The following SLC35F4 variants were observed in gnomAD, a reference collection of about 807,000 sequenced individuals.
SLC35F4 encodes the protein solute carrier family 35 member F4, also known as chromosome 14 open reading frame 36.
Under a neutral mutation model 44.2 loss-of-function variants are expected in SLC35F4, and 24 were observed. The ratio of observed to expected loss-of-function variants is 0.54; its 90% CI spans 0.39 to 0.76. SLC35F4 has a LOEUF of 0.76. Ranked by LOEUF, SLC35F4 falls within the 30% of genes least tolerant of loss-of-function variation. The probability of loss-of-function intolerance (pLI) is 0.00; values close to 1 mark genes in which losing one functional copy is unlikely to be tolerated. For missense variants in SLC35F4, 562 were observed against 586.1 expected, an observed-to-expected ratio of 0.96 and a Z score of 0.42; for synonymous variants, 238 against 223.6, an observed-to-expected ratio of 1.06 and a Z score of -0.57.
At chr14:57,738,762 T>C (rs1225295405) in intron 1 of SLC35F4, among the ~76,000 whole-genome samples, 4 of 71,178 alleles carry the variant, frequency 5.6e-5, no homozygotes, top group Non-Finnish European at 9.4e-5. Flanking sequence ...TATATATATA[T>C]ATATATATAT....
intron 1 of SLC35F4, among the ~76,000 whole-genome samples, chr14:57,877,590 T>C (rs1888425117): frequency 6.6e-6 from 1 of 151,816 alleles, no homozygotes; most frequent in Non-Finnish European, 1.5e-5. Flanking sequence ...CTTTCAACAG[T>C]GGCTTAACTA....
chr14:57,881,425 ATATGTAC>A, intron 1 of SLC35F4, among the ~76,000 whole-genome samples: 1 of 152,176 alleles, frequency 6.6e-6, no homozygotes, highest in Non-Finnish European at 1.5e-5. Flanking sequence ...AGTATTCCAC[ATATGTAC>A]ATAATAAGGG....
At chr14:57,762,170 G>A (rs1433706219) in intron 1 of SLC35F4, among the ~76,000 whole-genome samples, 1 of 152,166 alleles carries the variant, frequency 6.6e-6, no homozygotes, top group Non-Finnish European at 1.5e-5. Context: ...CATTCCTGCT[G>A]CTAGGATTGA....
At chr14:57,750,173 G>C (rs377544376) in intron 1 of SLC35F4, among the ~76,000 whole-genome samples, 1 of 152,124 alleles carries the variant, frequency 6.6e-6, no homozygotes, top group East Asian at 1.9e-4. Context: ...TTTTACTTAA[G>C]ATAATGATGT....
chr14:57,912,875 C>T (rs1889244292), intron 1 of SLC35F4, among the ~76,000 whole-genome samples: 1 of 152,020 alleles, frequency 6.6e-6, no homozygotes, highest in Admixed American at 6.6e-5. Flanking sequence ...AAGTCTTTAA[C>T]TATAACTATG....
intron 1 of SLC35F4, among the ~76,000 whole-genome samples, chr14:57,883,439 A>G (rs1384392333): frequency 1.3e-5 from 2 of 151,976 alleles, no homozygotes; most frequent in Non-Finnish European, 2.9e-5. Context: ...ATAGAGCACC[A>G]CTCTCACCTT....
chr14:57,803,094 A>G (rs983476682), intron 1 of SLC35F4, among the ~76,000 whole-genome samples: 1 of 152,170 alleles, frequency 6.6e-6, no homozygotes, highest in Admixed American at 6.5e-5. Context: ...CACATCAAAA[A>G]GCTTATCCAC....
At chr14:57,896,273 G>C (rs1424438475) in intron 1 of SLC35F4, among the ~76,000 whole-genome samples, 1 of 150,954 alleles carries the variant, frequency 6.6e-6, no homozygotes, top group African/African-American at 2.4e-5. Flanking sequence ...CTACACAATA[G>C]TGAAAAAGAA....
intron 1 of SLC35F4, among the ~76,000 whole-genome samples, chr14:57,614,162 T>C (rs1437321567): frequency 6.7e-6 from 1 of 148,900 alleles, no homozygotes; most frequent in African/African-American, 2.4e-5. Flanking sequence ...TACTGTACAT[T>C]TGCAGTGGGG....
chr14:57,781,148 A>T (rs1368926077), intron 1 of SLC35F4, among the ~76,000 whole-genome samples: 1 of 152,206 alleles, frequency 6.6e-6, no homozygotes, highest in Non-Finnish European at 1.5e-5. Context: ...GAATGGGAGA[A>T]ATATTTGCAA....
At chr14:57,825,926 T>C (rs550407334) in intron 1 of SLC35F4, among the ~76,000 whole-genome samples, 51 of 152,276 alleles carry the variant, frequency 3.3e-4, no homozygotes, top group Admixed American at 5.9e-4. Flanking sequence ...ATCACAAAAA[T>C]GGCCATACTG....
At chr14:57,667,340 T>G (rs923778233) in intron 1 of SLC35F4, among the ~76,000 whole-genome samples, 7 of 151,248 alleles carry the variant, frequency 4.6e-5, no homozygotes, top group East Asian at 1.9e-4. Flanking sequence ...TGTTGTTGTT[T>G]ATTTATTTTT....
chr14:57,795,885 T>C (rs1333066353), intron 1 of SLC35F4, among the ~76,000 whole-genome samples: 1 of 152,130 alleles, frequency 6.6e-6, no homozygotes. Flanking sequence ...GGTGTACAAA[T>C]TATTTCAGCA....
At chr14:57,587,164 A>G (rs569011971) in intron 3 of SLC35F4, among the ~76,000 whole-genome samples, 1 of 152,330 alleles carries the variant, frequency 6.6e-6, no homozygotes, top group South Asian at 2.1e-4. Flanking sequence ...ATGCTTCTAC[A>G]CTGTTGGTGG....
intron 2 of SLC35F4, among the ~76,000 whole-genome samples, chr14:57,591,647 T>G (rs544063360): frequency 6.6e-6 from 1 of 152,220 alleles, no homozygotes; most frequent in Non-Finnish European, 1.5e-5. Flanking sequence ...AACTTTATTC[T>G]GAGCACCCAC....
chr14:57,706,458 G>C (rs1378703934), intron 1 of SLC35F4, among the ~76,000 whole-genome samples: 3 of 152,172 alleles, frequency 2.0e-5, no homozygotes, highest in Non-Finnish European at 4.4e-5. Flanking sequence ...CAAGCACAGA[G>C]GATACAGCAG....
chr14:57,724,345 C>T (rs559414679), intron 1 of SLC35F4, among the ~76,000 whole-genome samples: 4 of 152,136 alleles, frequency 2.6e-5, no homozygotes, highest in Admixed American at 2.6e-4. Flanking sequence ...TGGAGCAAGG[C>T]CCTGCCATCT....
At chr14:57,784,078 T>C (rs1397815621) in intron 1 of SLC35F4, among the ~76,000 whole-genome samples, 4 of 152,216 alleles carry the variant, frequency 2.6e-5, no homozygotes, top group Admixed American at 6.5e-5. Context: ...GAAAAAGATA[T>C]GGAAATGGCA....
At chr14:57,598,387 A>G (rs577194405) in intron 1 of SLC35F4, among the ~76,000 whole-genome samples, 59 of 152,352 alleles carry the variant, frequency 3.9e-4, no homozygotes, top group African/African-American at 1.3e-3. Context: ...CTCCCAGGAA[A>G]GAAGGAGTGG....
Sources: gnomAD v4.1 joint callset for allele counts (sites outside exome capture counted in the v4.1 genomes callset) on GRCh38, gnomAD v4.1.1 for gene constraint, MANE v1.5 for transcripts, NCBI Gene and HGNC (gene_info 2026-07-23, HGNC 2026-07-21) for gene names.